RTN1: variants seen among roughly 807,000 people sequenced by gnomAD.
RTN1 encodes the protein reticulon-1.
Under a neutral mutation model 65.5 loss-of-function variants are expected in RTN1, and 25 were observed. The ratio of observed to expected loss-of-function variants is 0.38; its 90% CI spans 0.28 to 0.53. The LOEUF (loss-of-function observed/expected upper bound fraction) is 0.53. RTN1 is among the 20% of genes least tolerant of loss of function. The pLI, the probability that RTN1 is intolerant of heterozygous loss-of-function variation, is 0.79. For missense variants in RTN1, 983 were observed against 1,025.4 expected (o/e 0.96, Z 0.57); for synonymous variants, 471 against 447.6 (o/e 1.05, Z -0.66).
chr14:59,739,863 T>C (rs1432287296), intron 2 of RTN1, among the ~76,000 whole-genome samples: 1 of 152,132 alleles, frequency 6.6e-6, no homozygotes, highest in Non-Finnish European at 1.5e-5. Context: ...GAGGCACACA[T>C]CCTTCCGGTT....
chr14:59,663,245 T>C lies in RTN1; in HGVS notation c.1766-55753A>G, dbSNP rs1201140889. Among the ~76,000 whole-genome samples the C allele has an allele frequency of 2.0e-5, 3 of 152,092 alleles. No individual in the cohort carries two copies. The East Asian group carries it at 5.8e-4, about 29-fold the overall frequency. On this transcript the variant is annotated intron_variant, in intron 3 of 8. Coordinates refer to ENST00000267484, the MANE Select transcript of RTN1 (RefSeq NM_021136.3). ...AAACTGAAACTGGACTCCTTCCTTA[T>C]ACATTATACAAAAGTTAACTCGAGA...
chr14:59,700,620 A>G (rs2139447362), intron 3 of RTN1, among the ~76,000 whole-genome samples: 1 of 152,258 alleles, frequency 6.6e-6, no homozygotes, highest in Middle Eastern at 3.4e-3. Flanking sequence ...ATATATTGGG[A>G]AAAGAACAGC....
At chr14:59,791,665 C>G (rs1886350938) in intron 1 of RTN1, among the ~76,000 whole-genome samples, 1 of 152,192 alleles carries the variant, frequency 6.6e-6, no homozygotes, top group East Asian at 1.9e-4. Flanking sequence ...GGACTAACAA[C>G]TGAACTCTCC....
chr14:59,754,333 C>A (rs1885593416), intron 1 of RTN1, among the ~76,000 whole-genome samples: 1 of 152,196 alleles, frequency 6.6e-6, no homozygotes, highest in Admixed American at 6.6e-5. Flanking sequence ...TCTGGCAACA[C>A]TAAGGGATAG....
chr14:59,749,011 A>C (rs1280287248), intron 1 of RTN1, among the ~76,000 whole-genome samples: 1 of 148,832 alleles, frequency 6.7e-6, no homozygotes, highest in African/African-American at 2.5e-5. Context: ...ATGGTCTCGA[A>C]CTCCTGACCT....
chr14:59,847,444 T>C (rs979376680), intron 1 of RTN1, among the ~76,000 whole-genome samples: 1 of 152,246 alleles, frequency 6.6e-6, no homozygotes, highest in Non-Finnish European at 1.5e-5. Context: ...AGCATGTCCA[T>C]AAACATAATA....
chr14:59,718,872 C>G (rs1168725670), intron 3 of RTN1, among the ~76,000 whole-genome samples: 1 of 152,176 alleles, frequency 6.6e-6, no homozygotes, highest in Non-Finnish European at 1.5e-5. Context: ...GATAAAGTCA[C>G]CCCTACCACA....
chr14:59,742,011 G>A (rs1426964630), intron 2 of RTN1, among the ~76,000 whole-genome samples: 1 of 152,166 alleles, frequency 6.6e-6, no homozygotes, highest in Non-Finnish European at 1.5e-5. Context: ...TAGCAGGTAA[G>A]CTGTGCAAGG....
chr14:59,685,091 A>G (rs1883820074), intron 3 of RTN1, among the ~76,000 whole-genome samples: 1 of 152,220 alleles, frequency 6.6e-6, no homozygotes, highest in Non-Finnish European at 1.5e-5. Context: ...TGATAATTTT[A>G]GTAGATGCAG....
intron 1 of RTN1, among the ~76,000 whole-genome samples, chr14:59,791,722 T>C (rs1886351991): frequency 6.6e-6 from 1 of 152,178 alleles, no homozygotes; most frequent in Admixed American, 6.5e-5. Context: ...CACTCTACTG[T>C]GTCCTTTGTC....
At chr14:59,728,674 T>G (rs1320066079) in intron 2 of RTN1, among the ~76,000 whole-genome samples, 1 of 152,218 alleles carries the variant, frequency 6.6e-6, no homozygotes, top group African/African-American at 2.4e-5. Flanking sequence ...TAGTTGCATT[T>G]ATCCAAAGCT....
chr14:59,794,234 A>G lies in RTN1; in HGVS notation c.242-47753T>C, dbSNP rs1886401113. 6.6e-6 allele frequency among the ~76,000 whole-genome samples: 1 copy of G among 152,076 alleles called. No individual in the cohort carries two copies. Among genetic ancestry groups the G allele is most frequent in the African/African-American group, 2.4e-5 (1 of 41,406 alleles). On this transcript the variant is annotated intron_variant, in intron 1 of 8. Coordinates refer to ENST00000267484, the MANE Select transcript of RTN1 (RefSeq NM_021136.3). This position sits in a 1 kb window ranked among gnomAD's most constrained non-coding sequence, Gnocchi z 5.1. Reference sequence around the variant, plus strand: ...TTAAAATTGTTCCAGTTGAAATTAAACCCTCTTTAATCACTGGTTGAAGAA... The same window carrying G: ...TTAAAATTGTTCCAGTTGAAATTAAGCCCTCTTTAATCACTGGTTGAAGAA...
rs1311080401 is a variant in RTN1 at position 59,749,160 on chromosome 14, C to CTA, written c.242-2681_242-2680dup. Among the ~76,000 whole-genome samples the CTA allele has an allele frequency of 7.1e-4, 39 of 55,242 alleles. 5 individuals are homozygous for CTA. The highest frequency in any genetic ancestry group is 1.7e-3 in the Admixed American group (7 of 4,172). The allele number at this position is 55,242 out of a possible 152,430, so 36.2% of individuals were successfully genotyped here. ...TATCTATCTATCTATCTATCTATATCTATCTATATATCTATCTATATATCT... is the reference window on the plus strand; with the variant it reads ...TATCTATCTATCTATCTATCTATATCTATATCTATATATCTATCTATATATCT... On this transcript the variant is annotated intron_variant, in intron 1 of 8. Coordinates refer to ENST00000267484, the MANE Select transcript of RTN1 (RefSeq NM_021136.3).
At chr14:59,811,624 G>A (rs969368978) in intron 1 of RTN1, among the ~76,000 whole-genome samples, 1 of 152,112 alleles carries the variant, frequency 6.6e-6, no homozygotes, top group African/African-American at 2.4e-5. Flanking sequence ...ATGCCTTGAT[G>A]CAGCAAATAT....
chr14:59,827,448 T>G (rs765965304), intron 1 of RTN1, among the ~76,000 whole-genome samples: 1 of 152,188 alleles, frequency 6.6e-6, no homozygotes, highest in African/African-American at 2.4e-5. Context: ...TTTGCCCTCC[T>G]GTTGGCTGCC....
chr14:59,690,297 G>A (rs1883933515), intron 3 of RTN1, among the ~76,000 whole-genome samples: 1 of 150,496 alleles, frequency 6.6e-6, no homozygotes, highest in South Asian at 2.1e-4. Context: ...AAAACAAAGA[G>A]CGGAGGTGGG....
Position 59,821,777 on chromosome 14 carries a change from G to A in RTN1, c.241+48613C>T, listed in dbSNP as rs187816231. 1.1e-4 allele frequency among the ~76,000 whole-genome samples: 17 copies of A among 152,170 alleles called. No individual in the cohort carries two copies. The East Asian group carries it at 2.9e-3, about 26-fold the overall frequency. ...CTGCATCTATCGAGATGATTGTGTG[G>A]CTTTTCTTTTTAGTTCTGTTTACAT... On this transcript the variant is annotated intron_variant, in intron 1 of 8. Transcript: ENST00000267484.
chr14:59,658,951 T>C (rs544511068), intron 3 of RTN1, among the ~76,000 whole-genome samples: 1 of 152,232 alleles, frequency 6.6e-6, no homozygotes, highest in African/African-American at 2.4e-5. Flanking sequence ...TAAAGAAGCA[T>C]GTTCTAACCC....
At chr14:59,657,809 C>T (rs1265250853) in intron 3 of RTN1, among the ~76,000 whole-genome samples, 3 of 152,138 alleles carry the variant, frequency 2.0e-5, no homozygotes. Flanking sequence ...AAGCACAAAA[C>T]TGGACAGCCA....
Sources: gnomAD v4.1 joint callset for allele counts (sites outside exome capture counted in the v4.1 genomes callset) on GRCh38, gnomAD v4.1.1 for gene constraint, Gnocchi (gnomAD v3.1) non-coding constraint, MANE v1.5 for transcripts, NCBI Gene and HGNC (gene_info 2026-07-23, HGNC 2026-07-21) for gene names.